The following ADAMTS10 variants were observed in gnomAD, a reference collection of about 807,000 sequenced individuals.
ADAMTS10 encodes the protein ADAM metallopeptidase with thrombospondin type 1 motif 10.
Under a neutral mutation model 135.9 loss-of-function variants are expected in ADAMTS10, and 48 were observed. That is an observed-to-expected ratio of 0.35 (90% CI 0.28 to 0.45). The LOEUF (loss-of-function observed/expected upper bound fraction) is 0.45, where lower values mean the gene tolerates loss of function less well. Ranked by LOEUF, ADAMTS10 falls within the 20% of genes least tolerant of loss-of-function variation. The probability of loss-of-function intolerance (pLI) is 1.00; values close to 1 mark genes in which losing one functional copy is unlikely to be tolerated. For synonymous variants in ADAMTS10, 621 were observed against 647.5 expected (o/e 0.96, Z 0.62); for missense variants, 1,131 against 1,565.2 (o/e 0.72, Z 4.68).
In ADAMTS10 at chr19:8,589,251, G is replaced by C; in HGVS notation, c.2149C>G (p.Pro717Ala). The change falls in exon 18 of 26, where the codon CCT becomes GCT. Residue 717 changes from proline (P) to alanine (A), a missense_variant. Pro to Ala is a conservative substitution (Grantham distance 27). Transcript: ENST00000597188. ...AGCTGGAGACTCTCACCGGCCCCAG[G>C]TGAGGCTGGGCTGAAGACGCCCTCG... ...TIEGVFSPAS[P>A]GAGYEDVVWI... 1.2e-6 allele frequency: 2 copies of C among 1,612,664 alleles called. No homozygotes were observed. The highest frequency in any genetic ancestry group is 1.7e-6 in the Non-Finnish European group (2 of 1,179,976).
Position 8,585,285 on chromosome 19 carries a change from G to T in ADAMTS10, c.2889C>A (p.Gly963=). ...TGCAAAGGACCACGCGGTGGCGGAG[G>T]CCCGGCCCGCAGCTGGGGGTGCACT... The part of the protein sequence containing the change: ...WSECTPSCGP[G]LRHRVVLCKS... Residue 963 remains glycine, a synonymous_variant, in exon 24 of 26, where the codon GGC becomes GGA. Coordinates refer to ENST00000597188, the MANE Select transcript of ADAMTS10 (RefSeq NM_030957.4). 1 of 1,518,962 alleles carries T rather than the reference G, an allele frequency of 6.6e-7. No individual in the cohort carries two copies. Among genetic ancestry groups the T allele is most frequent in the Non-Finnish European group, 8.8e-7 (1 of 1,133,316 alleles). 94.1% of individuals were successfully genotyped at this position (1,518,962 alleles called of 1,614,324 possible). A position where few individuals can be genotyped will look rare whatever the true frequency, so the allele number is the denominator to read the frequency against.
chr19:8,591,784 G>A lies in ADAMTS10; in HGVS notation c.1797+16C>T, dbSNP rs570626367. ...GCTTCCTCCCCCCACCCCTCAAGGG[G>A]TTTGGGGGAACTCACATCCGTGTTG... is the stretch of plus-strand genomic sequence containing the variant. On this transcript the variant is annotated intron_variant, in intron 15 of 25. Coordinates refer to ENST00000597188, the MANE Select transcript of ADAMTS10 (RefSeq NM_030957.4). 9.7e-5 allele frequency: 156 copies of A among 1,613,588 alleles called. 1 individual carries two copies. In the South Asian group the frequency reaches 1.1e-3, roughly 11 times the overall value.
In ADAMTS10 at chr19:8,586,798, TCCC is replaced by T; in HGVS notation, c.2239+15_2239+17del. ...CCACTGACCCCTAATCCTCATCCCC[TCCC>T]CACCATCTGCTCACCCAAGTGACTG... On this transcript the variant is annotated intron_variant, in intron 19 of 25. Transcript: ENST00000597188. 1 of 1,613,816 alleles carries T rather than the reference TCCC, an allele frequency of 6.2e-7. No homozygotes were observed. The highest frequency in any genetic ancestry group is 8.5e-7 in the Non-Finnish European group (1 of 1,179,946).
chr19:8,604,844 C>A, intron 4 of ADAMTS10, 168 bp downstream of exon 4: 2 of 749,318 alleles, frequency 2.7e-6, no homozygotes, highest in Non-Finnish European at 2.2e-6. Context: ...TAAGGCTATA[C>A]ATTTTCCTTT....
At chr19:8,595,698 T>TGCCAC in intron 12 of ADAMTS10, 64 bp downstream of exon 12, 10 of 1,291,948 alleles carry the variant, frequency 7.7e-6, no homozygotes, top group Non-Finnish European at 9.7e-6. Flanking sequence ...CTGGTGGAGT[T>TGCCAC]CCCTCCCCCA....
rs782587830 is a variant in ADAMTS10 at position 8,596,274 on chromosome 19, C to T, written c.1190+33G>A. 2 of 1,612,806 alleles carry T rather than the reference C, an allele frequency of 1.2e-6. No individual in the cohort carries two copies. The highest frequency in any genetic ancestry group is 2.2e-5 in the East Asian group (1 of 44,874). On this transcript the variant is annotated intron_variant, in intron 10 of 25. Coordinates refer to ENST00000597188, the MANE Select transcript of ADAMTS10 (RefSeq NM_030957.4). The surrounding 1 kb of genome is among the most constrained non-coding windows in gnomAD (Gnocchi z 7.2). ...CGCTGAGGGACCCGCCCAGCTCCTC[C>T]CCTCCTCCCCCTCTTGTGTGCCCTG...
chr19:8,600,495 C>CTT (rs2042651794), intron 6 of ADAMTS10, among the ~76,000 whole-genome samples: 1 of 137,398 alleles, frequency 7.3e-6, no homozygotes, highest in African/African-American at 2.8e-5. Flanking sequence ...TCTTTTCTTT[C>CTT]TTTTCTTTTT....
chr19:8,604,283 G>A (rs2042696747), intron 4 of ADAMTS10, among the ~76,000 whole-genome samples: 1 of 150,686 alleles, frequency 6.6e-6, no homozygotes, highest in African/African-American at 2.4e-5. Flanking sequence ...GGCTGGTCTC[G>A]AATTCCTGGC....
Position 8,596,693 on chromosome 19 carries a change from T to C in ADAMTS10, c.1041-108A>G. 7.2e-7 allele frequency: 1 copy of C among 1,385,682 alleles called. No individual in the cohort carries two copies. The highest frequency in any genetic ancestry group is 1.3e-5 in the South Asian group (1 of 78,302). The allele number at this position is 1,385,682 out of a possible 1,614,324, so 85.8% of individuals were successfully genotyped here. A position where few individuals can be genotyped will look rare whatever the true frequency, so the allele number is the denominator to read the frequency against. ...TGAGTCCTGCCTTGGAGGCGCCATCTGCCTCTCACCTGAAGCTGCATACAG... is the reference window on the plus strand; with the variant it reads ...TGAGTCCTGCCTTGGAGGCGCCATCCGCCTCTCACCTGAAGCTGCATACAG... On this transcript the variant is annotated intron_variant, in intron 8 of 25. Transcript: ENST00000597188. This position sits in a 1 kb window ranked among gnomAD's most constrained non-coding sequence, Gnocchi z 7.2.
chr19:8,590,032 G>C (rs3923268), intron 15 of ADAMTS10, 41 bp from the exon 16 acceptor site: 11 of 1,431,072 alleles, frequency 7.7e-6, no homozygotes, highest in African/African-American at 2.8e-5. Context: ...GCCAGGCTTG[G>C]GGGGATGGAG....
intron 18 of ADAMTS10, among the ~76,000 whole-genome samples, chr19:8,587,382 G>T (rs1555737602): frequency 9.7e-6 from 1 of 102,848 alleles, no homozygotes; most frequent in African/African-American, 3.9e-5. Flanking sequence ...TCCTTAAGTT[G>T]CTCAGGCTGG....
rs782474432 is a variant in ADAMTS10, at chr19:8,585,255, G to A, written c.2919C>T (p.Ser973=). Residue 973 remains serine, a synonymous_variant, in exon 24 of 26, where the codon AGC becomes AGT. Transcript: ENST00000597188. Reference sequence around the variant, plus strand: ...GGGGCAGCGTGGCGCGGTGGTCTGCGCTCTTGCAAAGGACCACGCGGTGGC... The same window carrying A: ...GGGGCAGCGTGGCGCGGTGGTCTGCACTCTTGCAAAGGACCACGCGGTGGC... ...GLRHRVVLCK[S]ADHRATLPPA... is the part of the protein sequence containing the mutation. The A allele has an allele frequency of 1.3e-6, 2 of 1,492,510 alleles. No individual in the cohort carries two copies. Among genetic ancestry groups the A allele is most frequent in the South Asian group, 2.5e-5 (2 of 79,150 alleles). 92.5% of individuals were successfully genotyped at this position (1,492,510 alleles called of 1,614,324 possible).
intron 6 of ADAMTS10, 109 bp downstream of exon 6, chr19:8,600,819 T>C (rs1555741400): frequency 1.0e-5 from 14 of 1,384,062 alleles, no homozygotes; most frequent in East Asian, 9.2e-5. Flanking sequence ...TTTCTACCCC[T>C]GTCCCCACGT....
In ADAMTS10 at chr19:8,601,136, G is replaced by T; in HGVS notation, c.602C>A (p.Pro201Gln). The T allele has an allele frequency of 6.2e-7, 1 of 1,613,470 alleles. No homozygotes were observed. The highest frequency in any genetic ancestry group is 1.1e-5 in the South Asian group (1 of 91,064). ...DTACGVRDEK[P>Q]WKGRPWWLRT... is the part of the protein sequence containing the mutation. ...CAGCCACCATGGCCGCCCTTTCCAC[G>T]GTTTCTCATCTGGGGAACCCAGTAG... Residue 201 changes from proline to glutamine, a missense_variant, in exon 6 of 26, where the codon CCG becomes CAG. Pro to Gln is a moderately conservative substitution (Grantham distance 76). This residue lies in a region of ADAMTS10 where 306 missense variants were observed against 344.4 expected (regional missense o/e 0.89). Coordinates refer to ENST00000597188, the MANE Select transcript of ADAMTS10 (RefSeq NM_030957.4). This position sits in a 1 kb window ranked among gnomAD's most constrained non-coding sequence, Gnocchi z 4.6.
In ADAMTS10 at chr19:8,596,180, C is replaced by A; in HGVS notation, c.1230G>T (p.Gly410=). Residue 410 remains glycine, a synonymous_variant, in exon 11 of 26, where the codon GGG becomes GGT. Transcript: ENST00000597188. The surrounding 1 kb of genome is among the most constrained non-coding windows in gnomAD (Gnocchi z 7.2). ...MNHDGVGNSC[G]ARGQDPAKLM... Reference sequence around the variant, plus strand: ...GCTTGGCTGGGTCCTGACCACGGGCCCCACAGCTGTTTCCCACGCCGTCAT... The same window carrying A: ...GCTTGGCTGGGTCCTGACCACGGGCACCACAGCTGTTTCCCACGCCGTCAT... The A allele has an allele frequency of 6.2e-7, 1 of 1,614,122 alleles. No individual in the cohort carries two copies. The highest frequency in any genetic ancestry group is 8.5e-7 in the Non-Finnish European group (1 of 1,180,020).
In ADAMTS10 at chr19:8,585,071, C is replaced by T; in HGVS notation, c.3043-17G>A. The stretch of plus-strand genomic sequence containing the variant: ...TGCAGAGCACTGCGAGGGGGCACCA[C>T]TCAGTTGCTGCCCCGCAGCCCCTGC... On this transcript the variant is annotated splice_polypyrimidine_tract_variant and intron_variant, in intron 24 of 25. Transcript: ENST00000597188. The T allele has an allele frequency of 7.4e-7, 1 of 1,345,268 alleles. No homozygotes were observed. The highest frequency in any genetic ancestry group is 1.0e-6 in the Non-Finnish European group (1 of 1,004,176). 83.3% of individuals were successfully genotyped at this position (1,345,268 alleles called of 1,614,324 possible).
At position 8,592,019 on chromosome 19, in the gene ADAMTS10, C is replaced by A; in HGVS notation, c.1672G>T (p.Asp558Tyr). Reference sequence around the variant, plus strand: ...CCGCCGCCACAGGTCCGGCTGCAGTCGCCCCATGGAGTCCACGGCCCCCAG... The same window carrying A: ...CCGCCGCCACAGGTCCGGCTGCAGTAGCCCCATGGAGTCCACGGCCCCCAG... ...GAWGPWTPWG[D>Y]CSRTCGGGVS... The change falls in exon 14 of 26, where the codon GAC becomes TAC. Residue 558 changes from aspartate to tyrosine, a missense_variant. Around this residue, in one of 3 missense-constraint regions of ADAMTS10, gnomAD observed 745 missense variants for 1,056.3 expected, o/e 0.71. Transcript: ENST00000597188. 1 of 1,613,786 alleles carries A rather than the reference C, an allele frequency of 6.2e-7. No individual in the cohort carries two copies.
At chr19:8,608,786 C>A (rs2042749032) in intron 1 of ADAMTS10, among the ~76,000 whole-genome samples, 1 of 152,076 alleles carries the variant, frequency 6.6e-6, no homozygotes, top group East Asian at 1.9e-4. Flanking sequence ...CCCTCACACC[C>A]CCTTCTGTGC....
intron 13 of ADAMTS10, among the ~76,000 whole-genome samples, chr19:8,592,557 A>T (rs576523916): frequency 1.3e-5 from 2 of 149,650 alleles, no homozygotes; most frequent in East Asian, 4.0e-4. Flanking sequence ...GCGTGGCCAG[A>T]ACCAAGGGAC....
Sources: gnomAD v4.1 joint callset for allele counts (sites outside exome capture counted in the v4.1 genomes callset) on GRCh38, gnomAD v4.1.1 for gene constraint, gnomAD v4.1.1 regional missense constraint, Gnocchi (gnomAD v3.1) non-coding constraint, MANE v1.5 for transcripts, NCBI Gene and HGNC (gene_info 2026-07-23, HGNC 2026-07-21) for gene names.